OSTN: variants seen among roughly 807,000 people sequenced by gnomAD.
OSTN encodes the protein osteocrin.
Under a neutral mutation model 12.0 loss-of-function variants are expected in OSTN, and 9 were observed. The observed-to-expected ratio is 0.75, with a 90% CI of 0.45 to 1.30. The LOEUF (loss-of-function observed/expected upper bound fraction) is 1.30, where lower values mean the gene tolerates loss of function less well. Among genes scored for constraint, OSTN ranks in the 50% most tolerant of loss-of-function variants. The probability of loss-of-function intolerance (pLI) is 0.00; values close to 1 mark genes in which losing one functional copy is unlikely to be tolerated. For missense variants in OSTN, 148 were observed against 152.3 expected (o/e 0.97, Z 0.15); for synonymous variants, 59 against 56.9 (o/e 1.04, Z -0.16).
chr3:191,233,617 C>T (rs1715114578), intron 3 of OSTN, among the ~76,000 whole-genome samples: 1 of 152,046 alleles, frequency 6.6e-6, no homozygotes, highest in Non-Finnish European at 1.5e-5. Flanking sequence ...TTCCAAAGTG[C>T]TAGGATTACA....
At chr3:191,211,984 A>T (rs920770653) in intron 1 of OSTN, among the ~76,000 whole-genome samples, 13 of 152,178 alleles carry the variant, frequency 8.5e-5, no homozygotes, top group African/African-American at 2.9e-4. Flanking sequence ...TTTAATTTTG[A>T]TATAAAAACA....
chr3:191,250,241 C>A, intron 4 of OSTN, 108 bp downstream of exon 4: 1 of 797,780 alleles, frequency 1.3e-6, no homozygotes, highest in Admixed American at 2.4e-5. Flanking sequence ...GATTTCCTAG[C>A]TTATCAGTTC....
chr3:191,200,258 A>G (rs1051289161), intron 1 of OSTN, among the ~76,000 whole-genome samples: 8 of 152,120 alleles, frequency 5.3e-5, no homozygotes, highest in Non-Finnish European at 7.4e-5. Context: ...ATAACAGTTC[A>G]GGTCTCCTTC....
At chr3:191,224,282 C>G (rs529125139) in intron 3 of OSTN, among the ~76,000 whole-genome samples, 93 of 150,848 alleles carry the variant, frequency 6.2e-4, no homozygotes, top group African/African-American at 2.0e-3. Flanking sequence ...GAGGCTGAGG[C>G]AGGAGAATCA....
chr3:191,230,066 C>CAACAAATA, intron 3 of OSTN, among the ~76,000 whole-genome samples: 1 of 146,148 alleles, frequency 6.8e-6, no homozygotes, highest in South Asian at 2.2e-4. Flanking sequence ...GACTCAGTCT[C>CAACAAATA]AATAAATAAA....
chr3:191,239,935 T>C (rs1481118425), intron 3 of OSTN, among the ~76,000 whole-genome samples: 1 of 152,222 alleles, frequency 6.6e-6, no homozygotes, highest in Non-Finnish European at 1.5e-5. Context: ...TAAAAGTCTG[T>C]CTAATACAGG....
At chr3:191,242,357 T>G (rs1271445383) in intron 3 of OSTN, among the ~76,000 whole-genome samples, 1 of 152,204 alleles carries the variant, frequency 6.6e-6, no homozygotes, top group Non-Finnish European at 1.5e-5. Flanking sequence ...TCTTGGATAG[T>G]AAGACTCAAT....
rs563835778 is a variant in OSTN at position 191,254,307 on chromosome 3, C to T, written c.*12+4174C>T. On this transcript the variant is annotated intron_variant, in intron 4 of 4. Coordinates refer to ENST00000682035, the MANE Select transcript of OSTN (RefSeq NM_198184.2). ...ATCTTCAGAATGCAATGGCAATATG[C>T]CAGATTATTCTGAATTGTGTTACAA... Among the ~76,000 whole-genome samples the T allele has an allele frequency of 3.3e-5, 5 of 152,328 alleles. No homozygotes were observed. The South Asian group carries it at 1.0e-3, about 32-fold the overall frequency.
intron 1 of OSTN, among the ~76,000 whole-genome samples, chr3:191,201,682 G>T (rs9822421): frequency 0.4 from 60,728 of 151,860 alleles, 12,820 homozygotes; most frequent in African/African-American, 0.54. Flanking sequence ...TAACTCTCTA[G>T]AGTGAAATTT....
chr3:191,225,889 G>T (rs1714896960), intron 3 of OSTN, among the ~76,000 whole-genome samples: 1 of 152,088 alleles, frequency 6.6e-6, no homozygotes, highest in Admixed American at 6.6e-5. Flanking sequence ...CTATATAGGT[G>T]ATGGATTCAC....
rs892189065 is a variant in OSTN, at chr3:191,264,547, T to C, written c.*1694T>C. On this transcript the variant is annotated 3_prime_UTR_variant, in exon 5 of 5. Transcript: ENST00000682035. ...ATTTTGGGAAATCTAACCAATTCTT[T>C]TTTTCATAAACTTGTGTTAGAAAGC... The C allele has an allele frequency of 2.0e-5, 3 of 152,166 alleles. No individual in the cohort carries two copies. The highest frequency in any genetic ancestry group is 7.2e-5 in the African/African-American group (3 of 41,458). 9.4% of individuals were successfully genotyped at this position (152,166 alleles called of 1,614,324 possible).
rs572551237 is a variant in OSTN at position 191,216,882 on chromosome 3, G to A, written c.103-1865G>A. On this transcript the variant is annotated intron_variant, in intron 2 of 4. Transcript: ENST00000682035. ...CCCACGTCCTCCTGTCTTCTTCTGA[G>A]CCCTCCCAACTGTTCCAACCTCTGC... Among the ~76,000 whole-genome samples, 21 of 152,266 alleles carry A rather than the reference G, an allele frequency of 1.4e-4. No homozygotes were observed. In the South Asian group the frequency reaches 4.4e-3, roughly 32 times the overall value.
At chr3:191,253,657 C>T (rs1291577249) in intron 4 of OSTN, among the ~76,000 whole-genome samples, 1 of 152,166 alleles carries the variant, frequency 6.6e-6, no homozygotes, top group African/African-American at 2.4e-5. Flanking sequence ...GATGAAACCT[C>T]ATTGGCAGCA....
At position 191,265,056 on chromosome 3, in the gene OSTN, A is replaced by G. The variant is rs1715892288; in HGVS notation, c.*2203A>G. On this transcript the variant is annotated 3_prime_UTR_variant, in exon 5 of 5. Coordinates refer to ENST00000682035, the MANE Select transcript of OSTN (RefSeq NM_198184.2). ...ATTTCATATTTTAATTTTTACCACTACTTCATTCAGAGTAGAAAATAAGTC... is the reference window on the plus strand; with the variant it reads ...ATTTCATATTTTAATTTTTACCACTGCTTCATTCAGAGTAGAAAATAAGTC... 1 of 152,176 alleles carries G rather than the reference A, an allele frequency of 6.6e-6. No homozygotes were observed. The highest frequency in any genetic ancestry group is 6.5e-5 in the Admixed American group (1 of 15,280). The allele number at this position is 152,176 out of a possible 1,614,324, so 9.4% of individuals were successfully genotyped here. A position where few individuals can be genotyped will look rare whatever the true frequency, so the allele number is the denominator to read the frequency against.
chr3:191,213,111 C>T (rs977599105), intron 2 of OSTN, among the ~76,000 whole-genome samples: 24 of 151,994 alleles, frequency 1.6e-4, no homozygotes, highest in South Asian at 8.3e-4. Flanking sequence ...CCTCGAGATC[C>T]GCCCGCCTCA....
At chr3:191,237,352 G>A (rs1715216499) in intron 3 of OSTN, among the ~76,000 whole-genome samples, 1 of 152,224 alleles carries the variant, frequency 6.6e-6, no homozygotes, top group Non-Finnish European at 1.5e-5. Flanking sequence ...TAACGGGACT[G>A]CAGCTATCTC....
intron 3 of OSTN, among the ~76,000 whole-genome samples, chr3:191,232,146 C>T (rs1035663433): frequency 6.6e-6 from 1 of 151,572 alleles, no homozygotes; most frequent in African/African-American, 2.4e-5. Context: ...GCCTGGCCAA[C>T]GTGGTGAAAT....
chr3:191,259,676 C>T (rs28836770), intron 4 of OSTN, among the ~76,000 whole-genome samples: 38,696 of 151,676 alleles, frequency 0.26, 6,162 homozygotes, highest in Middle Eastern at 0.39. Context: ...CAAAGCCAGG[C>T]GTTGATGCTG....
At chr3:191,220,903 A>C (rs1281682923) in intron 3 of OSTN, among the ~76,000 whole-genome samples, 4 of 152,070 alleles carry the variant, frequency 2.6e-5, no homozygotes, top group Non-Finnish European at 5.9e-5. Flanking sequence ...TTTACATTGA[A>C]ACTTCACCAC....
Sources: allele counts gnomAD v4.1 joint callset (sites outside exome capture counted in the v4.1 genomes callset), GRCh38; gene constraint gnomAD v4.1.1; transcripts MANE v1.5; gene names NCBI Gene and HGNC (gene_info 2026-07-23, HGNC 2026-07-21).